The following RYR3 variants were observed in gnomAD, a reference collection of about 807,000 sequenced individuals.
The protein encoded by RYR3 is ryanodine receptor 3.
A neutral mutation model predicts 584.3 loss-of-function variants in RYR3; 207 were observed. That is an observed-to-expected ratio of 0.35 (90% confidence interval 0.32 to 0.40). The LOEUF is 0.40. Ranked by LOEUF, RYR3 falls within the 10% of genes least tolerant of loss-of-function variation. The pLI is 1.00. For synonymous variants in RYR3, 2,416 were observed against 2,248.5 expected, an observed-to-expected ratio of 1.07 and a Z score of -2.11; for missense variants, 5,616 against 6,089.2, an observed-to-expected ratio of 0.92 and a Z score of 2.59.
intron 36 of RYR3, among the ~76,000 whole-genome samples, chr15:33,666,552 C>G (rs1596055021): frequency 6.6e-6 from 1 of 152,146 alleles, no homozygotes; most frequent in South Asian, 2.1e-4. Context: ...GGATTTAGAT[C>G]AATTTCAGAG....
intron 1 of RYR3, among the ~76,000 whole-genome samples, chr15:33,393,550 G>A (rs2042127417): frequency 6.6e-6 from 1 of 152,170 alleles, no homozygotes; most frequent in East Asian, 1.9e-4. Flanking sequence ...GGGAAGCAGG[G>A]TGCTGCAAAC....
At chr15:33,475,038 GGTTTTTTT>G (rs1215241078) in intron 2 of RYR3, among the ~76,000 whole-genome samples, 1 of 152,110 alleles carries the variant, frequency 6.6e-6, no homozygotes, top group African/African-American at 2.4e-5. Flanking sequence ...TTCTTAGCTA[GGTTTTTTT>G]GTTTTTTTGT....
chr15:33,642,732 CA>C (rs1387314440), intron 27 of RYR3, among the ~76,000 whole-genome samples: 1 of 152,202 alleles, frequency 6.6e-6, no homozygotes. Flanking sequence ...CACAAAAATA[CA>C]GAAGCATAGT....
intron 43 of RYR3, among the ~76,000 whole-genome samples, chr15:33,721,726 A>G (rs1001765934): frequency 5.9e-5 from 9 of 152,154 alleles, no homozygotes; most frequent in Non-Finnish European, 1.2e-4. Context: ...TGGCTCAGAG[A>G]TGAATTCTCA....
At chr15:33,848,230 TGGGA>T in intron 93 of RYR3, 57 bp from the exon 94 acceptor site, 1 of 1,601,042 alleles carries the variant, frequency 6.2e-7, no homozygotes. Flanking sequence ...GACAAATACC[TGGGA>T]GCAGGAGCTT....
chr15:33,704,963 A>G (rs571509807), intron 42 of RYR3, among the ~76,000 whole-genome samples: 3 of 152,338 alleles, frequency 2.0e-5, no homozygotes, highest in African/African-American at 7.2e-5. Context: ...TTCACAGGAA[A>G]GAACAGCAAA....
intron 12 of RYR3, among the ~76,000 whole-genome samples, chr15:33,567,451 C>T (rs78856843): frequency 0.022 from 3,420 of 152,258 alleles, 53 homozygotes; most frequent in Non-Finnish European, 0.036. Context: ...GTATAAATTA[C>T]GTGTGTGAAT....
intron 3 of RYR3, among the ~76,000 whole-genome samples, chr15:33,522,134 G>C (rs935523888): frequency 6.7e-6 from 1 of 150,236 alleles, no homozygotes; most frequent in Non-Finnish European, 1.5e-5. Flanking sequence ...GTGGTGGTGT[G>C]AGCCTGTATT....
At chr15:33,571,532 T>A (rs2058027753) in intron 12 of RYR3, among the ~76,000 whole-genome samples, 1 of 152,214 alleles carries the variant, frequency 6.6e-6, no homozygotes, top group Non-Finnish European at 1.5e-5. Context: ...AAATTTGCCC[T>A]TTTGTAATTT....
chr15:33,657,211 C>A (rs1264145248), intron 32 of RYR3, among the ~76,000 whole-genome samples: 1 of 152,188 alleles, frequency 6.6e-6, no homozygotes, highest in African/African-American at 2.4e-5. Flanking sequence ...ATCCTAAATG[C>A]TCTCAAAGCA....
At chr15:33,781,772 C>G (rs74008304) in intron 65 of RYR3, among the ~76,000 whole-genome samples, 2 of 151,260 alleles carry the variant, frequency 1.3e-5, no homozygotes, top group Admixed American at 1.3e-4. Flanking sequence ...TCCAAAGTCC[C>G]GTATGAAATC....
At chr15:33,727,141 A>G (rs964196781) in intron 46 of RYR3, among the ~76,000 whole-genome samples, 1 of 152,218 alleles carries the variant, frequency 6.6e-6, no homozygotes, top group African/African-American at 2.4e-5. Context: ...ACGGGCCCCC[A>G]CACAGCCTGT....
At chr15:33,319,734 G>A (rs1968688231) in intron 1 of RYR3, among the ~76,000 whole-genome samples, 1 of 152,184 alleles carries the variant, frequency 6.6e-6, no homozygotes, top group Non-Finnish European at 1.5e-5. Flanking sequence ...TCTCAGAGAT[G>A]TCCTGAAGAA....
intron 1 of RYR3, among the ~76,000 whole-genome samples, chr15:33,423,077 T>C (rs1490658259): frequency 1.3e-5 from 2 of 152,182 alleles, no homozygotes; most frequent in Admixed American, 6.5e-5. Context: ...ACTTACACAA[T>C]GTTTTACAAC....
intron 65 of RYR3, 107 bp downstream of exon 65, chr15:33,780,448 G>C: frequency 1.7e-6 from 2 of 1,202,382 alleles, no homozygotes; most frequent in East Asian, 2.5e-5. Context: ...TTCTTGGTCT[G>C]AGAGGAGCCA....
chr15:33,587,109 C>G (rs1166432798), intron 16 of RYR3, among the ~76,000 whole-genome samples: 3 of 152,094 alleles, frequency 2.0e-5, no homozygotes, highest in Non-Finnish European at 4.4e-5. Context: ...CAGCCGTGGG[C>G]AGCAGAAAGC....
At position 33,774,661 on chromosome 15, in the gene RYR3, A is replaced by G. The variant is rs577578761; in HGVS notation, c.9137+1046A>G. ...ACGGCTTCTAAATAGCTTCCAGAAT[A>G]CAAGAAATTGAGGAACTAATGGCTG... On this transcript the variant is annotated intron_variant, in intron 64 of 103. Transcript: ENST00000634891. 5.3e-5 allele frequency among the ~76,000 whole-genome samples: 8 copies of G among 152,344 alleles called. No individual in the cohort carries two copies. In the East Asian group the frequency reaches 7.7e-4, roughly 15 times the overall value.
chr15:33,733,597 G>A (rs528885596), intron 48 of RYR3, among the ~76,000 whole-genome samples: 1 of 152,316 alleles, frequency 6.6e-6, no homozygotes, highest in South Asian at 2.1e-4. Context: ...TTGGGGGAGG[G>A]AGAGATGAAC....
intron 38 of RYR3, among the ~76,000 whole-genome samples, chr15:33,671,319 G>T (rs899227530): frequency 3.3e-5 from 5 of 152,148 alleles, no homozygotes; most frequent in African/African-American, 1.2e-4. Context: ...AATTTCTCAG[G>T]TTTAATATCG....
Sources: allele counts gnomAD v4.1 joint callset (sites outside exome capture counted in the v4.1 genomes callset), GRCh38; gene constraint gnomAD v4.1.1; transcripts MANE v1.5; gene names NCBI Gene and HGNC (gene_info 2026-07-23, HGNC 2026-07-21).